The following MAPK8 variants were observed in gnomAD, a reference collection of about 807,000 sequenced individuals.
The protein encoded by MAPK8 is mitogen-activated protein kinase 8.
MAPK8 carries 13 observed loss-of-function variants against 52.9 expected under a neutral mutation model. That is an observed-to-expected ratio of 0.25 (90% CI 0.16 to 0.39). The LOEUF is 0.39. Among genes scored for constraint, MAPK8 ranks in the 10% least tolerant of loss-of-function variants. The probability of loss-of-function intolerance (pLI) is 1.00; values close to 1 mark genes in which losing one functional copy is unlikely to be tolerated. For synonymous variants in MAPK8, 191 were observed against 169.8 expected (o/e 1.12, Z -0.97); for missense variants, 300 against 519.2 (o/e 0.58, Z 4.10).
intron 1 of MAPK8, among the ~76,000 whole-genome samples, chr10:48,340,316 TCTTA>T (rs1467828232): frequency 6.6e-6 from 1 of 152,196 alleles, no homozygotes; most frequent in African/African-American, 2.4e-5. Flanking sequence ...TACCGTATGT[TCTTA>T]CTTATAAGTG....
chr10:48,343,229 C>T (rs1180779549), intron 1 of MAPK8, among the ~76,000 whole-genome samples: 1 of 152,160 alleles, frequency 6.6e-6, no homozygotes, highest in East Asian at 1.9e-4. Context: ...CATGCTCTCT[C>T]CAGAGTCTCC....
At chr10:48,343,166 G>T (rs1845463303) in intron 1 of MAPK8, among the ~76,000 whole-genome samples, 1 of 152,212 alleles carries the variant, frequency 6.6e-6, no homozygotes, top group Non-Finnish European at 1.5e-5. Context: ...CTAGAGGCCA[G>T]AAGTCTGAAC....
intron 1 of MAPK8, among the ~76,000 whole-genome samples, chr10:48,397,586 C>G (rs1028136223): frequency 3.3e-5 from 5 of 151,910 alleles, no homozygotes; most frequent in African/African-American, 9.7e-5. Context: ...TGGAATAGTT[C>G]AGTATTCTTT....
At position 48,389,468 on chromosome 10, in the gene MAPK8, C is replaced by G. The variant is rs183507461; in HGVS notation, c.-49-12144C>G. ...CCACTTTGTCCATAACTGATTAGAC[C>G]AGGGCAAGCCTCTGGCTCAAGGCTA... On this transcript the variant is annotated intron_variant, in intron 1 of 11. Coordinates refer to ENST00000374189, the MANE Select transcript of MAPK8 (RefSeq NM_001323329.2). Among the ~76,000 whole-genome samples, 166 of 152,272 alleles carry G rather than the reference C, an allele frequency of 1.1e-3. 1 individual carries two copies. Among genetic ancestry groups the G allele is most frequent in the African/African-American group, 3.8e-3 (158 of 41,556 alleles).
chr10:48,349,181 C>T lies in MAPK8; in HGVS notation c.-50+42360C>T, dbSNP rs539480551. On this transcript the variant is annotated intron_variant, in intron 1 of 11. Coordinates refer to ENST00000374189, the MANE Select transcript of MAPK8 (RefSeq NM_001323329.2). The stretch of plus-strand genomic sequence containing the variant: ...TAGACCCCCGTACAATAATAGTGGG[C>T]GACTTAATACCCAACTGTCAATATC... Among the ~76,000 whole-genome samples the T allele has an allele frequency of 3.7e-4, 56 of 152,116 alleles. 1 individual carries two copies. Among genetic ancestry groups the T allele is most frequent in the Non-Finnish European group, 6.0e-4 (41 of 67,978 alleles).
rs1056018123 is a variant in MAPK8 at position 48,434,215 on chromosome 10, G to A, written c.1139-669G>A. On this transcript the variant is annotated intron_variant, in intron 11 of 11. Transcript: ENST00000374189. Reference sequence around the variant, plus strand: ...ATAAATCCATATTTCTGCTTATCAAGTATTAGAGTAGAAATAAGAAGACCC... The same window carrying A: ...ATAAATCCATATTTCTGCTTATCAAATATTAGAGTAGAAATAAGAAGACCC... Among the ~76,000 whole-genome samples the A allele has an allele frequency of 5.9e-5, 9 of 152,308 alleles. No individual in the cohort carries two copies. In the East Asian group the frequency reaches 1.5e-3, roughly 26 times the overall value.
At chr10:48,332,146 G>A (rs1420573502) in intron 1 of MAPK8, among the ~76,000 whole-genome samples, 1 of 152,270 alleles carries the variant, frequency 6.6e-6, no homozygotes, top group East Asian at 1.9e-4. Flanking sequence ...ACTGGCAGTG[G>A]CTGTTGGAAG....
At chr10:48,315,848 A>T (rs1377806465) in intron 1 of MAPK8, among the ~76,000 whole-genome samples, 1 of 151,140 alleles carries the variant, frequency 6.6e-6, no homozygotes, top group Non-Finnish European at 1.5e-5. Context: ...ATACTCTTAT[A>T]TTTTTTCTTA....
chr10:48,401,494 C>T, intron 1 of MAPK8, 118 bp from the exon 2 acceptor site: 2 of 560,958 alleles, frequency 3.6e-6, no homozygotes, highest in Non-Finnish European at 6.2e-6. Flanking sequence ...TTTAATGAAG[C>T]AGCTCTTTTC....
chr10:48,379,938 TAAAAA>T lies in MAPK8; in HGVS notation c.-49-21657_-49-21653del, dbSNP rs373050540. Among the ~76,000 whole-genome samples the T allele has an allele frequency of 2.8e-3, 329 of 115,874 alleles. 3 individuals carry two copies. The highest frequency in any genetic ancestry group is 0.011 in the African/African-American group (317 of 29,816). 76.0% of individuals were successfully genotyped at this position (115,874 alleles called of 152,430 possible). ...AGGATTTGGAGGGAAACAAAGCTCT[TAAAAA>T]AAAAAAAAAAAAAAAACAGACTAGA... On this transcript the variant is annotated intron_variant, in intron 1 of 11. Coordinates refer to ENST00000374189, the MANE Select transcript of MAPK8 (RefSeq NM_001323329.2).
chr10:48,327,855 G>T (rs941625015), intron 1 of MAPK8, among the ~76,000 whole-genome samples: 3 of 152,172 alleles, frequency 2.0e-5, no homozygotes, highest in Non-Finnish European at 4.4e-5. Flanking sequence ...AACTTTGGTA[G>T]ATTGTGTCTT....
chr10:48,359,518 G>A (rs1847326289), intron 1 of MAPK8, among the ~76,000 whole-genome samples: 1 of 152,004 alleles, frequency 6.6e-6, no homozygotes, highest in African/African-American at 2.4e-5. Context: ...ATCAGATATC[G>A]ATATATTATA....
At chr10:48,321,966 G>C (rs1213630986) in intron 1 of MAPK8, among the ~76,000 whole-genome samples, 1 of 152,192 alleles carries the variant, frequency 6.6e-6, no homozygotes, top group Non-Finnish European at 1.5e-5. Flanking sequence ...ACAGAGGTGT[G>C]TGTGTAATGG....
At chr10:48,418,044 G>A (rs924086150) in intron 5 of MAPK8, among the ~76,000 whole-genome samples, 1 of 152,206 alleles carries the variant, frequency 6.6e-6, no homozygotes, top group African/African-American at 2.4e-5. Flanking sequence ...TAACACAAAA[G>A]CAGCCATAGG....
intron 1 of MAPK8, among the ~76,000 whole-genome samples, chr10:48,382,070 C>T (rs2132739748): frequency 6.6e-6 from 1 of 152,290 alleles, no homozygotes; most frequent in African/African-American, 2.4e-5. Context: ...GGGAGTACCA[C>T]ATATGTCTGC....
At chr10:48,408,990 C>A (rs1460398171) in intron 3 of MAPK8, among the ~76,000 whole-genome samples, 1 of 152,162 alleles carries the variant, frequency 6.6e-6, no homozygotes, top group Non-Finnish European at 1.5e-5. Context: ...ATGAGCGCCC[C>A]ACTCTCATGA....
chr10:48,401,856 C>T, intron 2 of MAPK8, 74 bp downstream of exon 2: 1 of 1,197,132 alleles, frequency 8.4e-7, no homozygotes, highest in Non-Finnish European at 1.1e-6. Context: ...ATTTAGATAC[C>T]TTGGCAAATA....
intron 1 of MAPK8, among the ~76,000 whole-genome samples, chr10:48,357,120 C>T (rs1467027543): frequency 2.6e-5 from 4 of 152,030 alleles, no homozygotes; most frequent in African/African-American, 9.7e-5. Flanking sequence ...AGGAAAAAGA[C>T]ATTCATAATC....
intron 1 of MAPK8, among the ~76,000 whole-genome samples, chr10:48,337,395 A>AC (rs1844793079): frequency 6.6e-6 from 1 of 151,806 alleles, no homozygotes; most frequent in African/African-American, 2.4e-5. Context: ...CAGAAATACA[A>AC]TTTTTTTTGG....
Sources: allele counts gnomAD v4.1 joint callset (sites outside exome capture counted in the v4.1 genomes callset), GRCh38; gene constraint gnomAD v4.1.1; transcripts MANE v1.5; gene names NCBI Gene and HGNC (gene_info 2026-07-23, HGNC 2026-07-21).